SPSB1: variants seen among roughly 807,000 people sequenced by gnomAD.
SPSB1 encodes splA/ryanodine receptor domain and SOCS box containing 1, also known as SPRY domain-containing SOCS box protein 1.
Under a neutral mutation model 21.2 loss-of-function variants are expected in SPSB1, and 8 were observed. The observed-to-expected ratio is 0.38, with a 90% confidence interval of 0.22 to 0.68. The LOEUF is 0.68. Among genes scored for constraint, SPSB1 ranks in the 30% least tolerant of loss-of-function variants. The pLI is 0.53. For missense variants in SPSB1, 242 were observed against 377.8 expected (o/e 0.64, Z 2.98); for synonymous variants, 169 against 161.7 (o/e 1.05, Z -0.34).
At chr1:9,359,961 G>A (rs1300721318) in intron 2 of SPSB1, among the ~76,000 whole-genome samples, 1 of 152,206 alleles carries the variant, frequency 6.6e-6, no homozygotes, top group East Asian at 1.9e-4. Context: ...TGTTTGGGTT[G>A]AGCAGGTGAA....
rs144296890 is a variant in SPSB1, at chr1:9,302,648, G to A, written c.-150+9577G>A. On this transcript the variant is annotated intron_variant, in intron 1 of 2. Coordinates refer to ENST00000328089, the MANE Select transcript of SPSB1 (RefSeq NM_025106.4). Reference sequence around the variant, plus strand: ...GAGTCTTTGACCTGGGACTGGGAATGACCACGTTCCCCACCATCCTGAAGC... The same window carrying A: ...GAGTCTTTGACCTGGGACTGGGAATAACCACGTTCCCCACCATCCTGAAGC... Among the ~76,000 whole-genome samples, 18 of 152,312 alleles carry A rather than the reference G, an allele frequency of 1.2e-4. 1 individual carries two copies. The highest frequency in any genetic ancestry group is 4.3e-4 in the African/African-American group (18 of 41,572).
chr1:9,330,984 A>G (rs1292751972), intron 1 of SPSB1, among the ~76,000 whole-genome samples: 2 of 151,696 alleles, frequency 1.3e-5, no homozygotes, highest in South Asian at 2.1e-4. Flanking sequence ...TTATTGAAGG[A>G]TGATATACCC....
intron 1 of SPSB1, among the ~76,000 whole-genome samples, chr1:9,314,345 C>T (rs1008407850): frequency 2.0e-5 from 3 of 152,104 alleles, no homozygotes; most frequent in Admixed American, 6.5e-5. Flanking sequence ...AGCTCTCTGG[C>T]TTGGAAAGCT....
At chr1:9,303,306 C>T (rs1639363739) in intron 1 of SPSB1, among the ~76,000 whole-genome samples, 1 of 152,202 alleles carries the variant, frequency 6.6e-6, no homozygotes, top group Admixed American at 6.5e-5. Flanking sequence ...GTTTGGGTCA[C>T]TCTGCCACTT....
intron 1 of SPSB1, among the ~76,000 whole-genome samples, chr1:9,353,950 T>C (rs896701515): frequency 6.7e-6 from 1 of 148,166 alleles, no homozygotes; most frequent in Non-Finnish European, 1.5e-5. Context: ...GTGTCTCACA[T>C]CAGAAAGGGG....
chr1:9,300,540 T>G (rs781024724), intron 1 of SPSB1, among the ~76,000 whole-genome samples: 17 of 152,218 alleles, frequency 1.1e-4, no homozygotes, highest in Non-Finnish European at 2.4e-4. Flanking sequence ...CATCCACAAA[T>G]AACTTCATTC....
chr1:9,315,204 C>T (rs1639591170), intron 1 of SPSB1, among the ~76,000 whole-genome samples: 2 of 152,342 alleles, frequency 1.3e-5, no homozygotes, highest in Admixed American at 1.3e-4. Context: ...GCCTGCCTCC[C>T]CATGCCGCAT....
Position 9,305,676 on chromosome 1 carries a change from AG to A in SPSB1, c.-150+12607del, listed in dbSNP as rs1378711376. ...TTCCTTCCATGCCCCGTGGGAGGTC[AG>A]GAACTCCGAACAAGCCTCTGTTCTC... On this transcript the variant is annotated intron_variant, in intron 1 of 2. Transcript: ENST00000328089. The surrounding 1 kb of genome is among the most constrained non-coding windows in gnomAD (Gnocchi z 4.8). Among the ~76,000 whole-genome samples the A allele has an allele frequency of 3.3e-5, 5 of 152,228 alleles. No individual in the cohort carries two copies. Among genetic ancestry groups the A allele is most frequent in the Non-Finnish European group, 5.9e-5 (4 of 68,036 alleles).
intron 1 of SPSB1, among the ~76,000 whole-genome samples, chr1:9,338,709 G>A (rs1339009177): frequency 3.9e-5 from 6 of 152,206 alleles, no homozygotes; most frequent in Admixed American, 6.5e-5. Flanking sequence ...CTTCAGTGCC[G>A]CCTTTTGAGG....
At chr1:9,361,156 C>CCTTTTTTTTTTTTCTTTTTTTTCTTTTTT (rs1553128958) in intron 2 of SPSB1, among the ~76,000 whole-genome samples, 2 of 102,574 alleles carry the variant, frequency 1.9e-5, no homozygotes, top group African/African-American at 8.3e-5. Flanking sequence ...CTGTCATTTT[C>CCTTTTTTTTTTTTCTTTTTTTTCTTTTTT]TTTTTTTTTT....
At chr1:9,360,784 C>A (rs1234462414) in intron 2 of SPSB1, among the ~76,000 whole-genome samples, 1 of 152,228 alleles carries the variant, frequency 6.6e-6, no homozygotes, top group African/African-American at 2.4e-5. Flanking sequence ...TCCGCAAGGC[C>A]CTGTTTCCAG....
intron 1 of SPSB1, among the ~76,000 whole-genome samples, chr1:9,341,964 A>G (rs1407129064): frequency 6.6e-6 from 1 of 151,872 alleles, no homozygotes; most frequent in Non-Finnish European, 1.5e-5. Context: ...AGGGTCCCAA[A>G]GTGCTGGGAT....
chr1:9,318,293 G>A lies in SPSB1; in HGVS notation c.-150+25222G>A, dbSNP rs886897383. On this transcript the variant is annotated intron_variant, in intron 1 of 2. Coordinates refer to ENST00000328089, the MANE Select transcript of SPSB1 (RefSeq NM_025106.4). Reference sequence around the variant, plus strand: ...CCCGCTTGGGTCTCTGCCCACCCACGCCTCCCTTGCTGGTTGTTCTCTCCG... The same window carrying A: ...CCCGCTTGGGTCTCTGCCCACCCACACCTCCCTTGCTGGTTGTTCTCTCCG... Among the ~76,000 whole-genome samples the A allele has an allele frequency of 1.4e-4, 22 of 152,358 alleles. 1 individual carries two copies. The highest frequency in any genetic ancestry group is 3.9e-4 in the Admixed American group (6 of 15,304).
chr1:9,353,918 C>CAA (rs35366582), intron 1 of SPSB1, among the ~76,000 whole-genome samples: 148 of 141,774 alleles, frequency 1.0e-3, no homozygotes, highest in African/African-American at 2.8e-3. Flanking sequence ...AACTCCATCT[C>CAA]AAAAAAAAAA....
rs148880443 is a variant in SPSB1 at position 9,314,663 on chromosome 1, C to T, written c.-150+21592C>T. Among the ~76,000 whole-genome samples the T allele has an allele frequency of 4.3e-3, 651 of 152,338 alleles. 3 individuals carry two copies. The highest frequency in any genetic ancestry group is 7.8e-3 in the Non-Finnish European group (534 of 68,036). ...CCAAACTGGGGCATAGGTCTTCTTA[C>T]ATCGTCTTGTTTTTCTCCGGGAAGA... is the stretch of plus-strand genomic sequence containing the variant. On this transcript the variant is annotated intron_variant, in intron 1 of 2. Coordinates refer to ENST00000328089, the MANE Select transcript of SPSB1 (RefSeq NM_025106.4).
Position 9,356,272 on chromosome 1 carries a change from C to A in SPSB1, c.381C>A (p.Val127=). 1 of 1,613,166 alleles carries A rather than the reference C, an allele frequency of 6.2e-7. No homozygotes were observed. Residue 127 remains valine (V), a synonymous_variant, in exon 2 of 3, where the codon GTC becomes GTA. Coordinates refer to ENST00000328089, the MANE Select transcript of SPSB1 (RefSeq NM_025106.4). This position sits in a 1 kb window ranked among gnomAD's most constrained non-coding sequence, Gnocchi z 7.4. ...VATADAPLHS[V]GYTTLVGNNH... ...CGGCAGACGCCCCCCTGCACTCTGT[C>A]GGGTACACAACCCTCGTGGGGAATA... is the stretch of plus-strand genomic sequence containing the variant.
At chr1:9,303,949 C>G (rs1249927368) in intron 1 of SPSB1, among the ~76,000 whole-genome samples, 1 of 152,200 alleles carries the variant, frequency 6.6e-6, no homozygotes, top group Admixed American at 6.5e-5. Context: ...AGTGGTTTGG[C>G]ATTTGTGTAG....
intron 1 of SPSB1, among the ~76,000 whole-genome samples, chr1:9,338,903 G>T (rs560385154): frequency 1.6e-4 from 25 of 152,366 alleles, no homozygotes; most frequent in African/African-American, 6.0e-4. Flanking sequence ...GAACAGGAGC[G>T]TGGACACCCT....
rs955882094 is a variant in SPSB1 at position 9,317,302 on chromosome 1, G to A, written c.-150+24231G>A. ...GAAGAAGGGAATAAATGTCACTGGC[G>A]GAAGGTGGCATGTGTGTGCAAAACC... On this transcript the variant is annotated intron_variant, in intron 1 of 2. Transcript: ENST00000328089. The surrounding 1 kb of genome is among the most constrained non-coding windows in gnomAD (Gnocchi z 4.3). Among the ~76,000 whole-genome samples the A allele has an allele frequency of 3.3e-5, 5 of 152,106 alleles. No homozygotes were observed. Among genetic ancestry groups the A allele is most frequent in the Admixed American group, 2.6e-4 (4 of 15,270 alleles).
Sources: allele counts gnomAD v4.1 joint callset (sites outside exome capture counted in the v4.1 genomes callset), GRCh38; gene constraint gnomAD v4.1.1; non-coding constraint Gnocchi (gnomAD v3.1); transcripts MANE v1.5; gene names NCBI Gene and HGNC (gene_info 2026-07-23, HGNC 2026-07-21).